The following NGDN variants were observed in gnomAD, a reference collection of about 807,000 sequenced individuals.
NGDN encodes neuroguidin.
A neutral mutation model predicts 45.2 loss-of-function variants in NGDN; 41 were observed. That is an observed-to-expected ratio of 0.91 (90% CI 0.71 to 1.18). The LOEUF is 1.18. Ranked by LOEUF, NGDN falls within the 50% of genes most tolerant of loss-of-function variation. NGDN has a pLI of 0.00. For synonymous variants in NGDN, 137 were observed against 130.9 expected (o/e 1.05, Z -0.32); for missense variants, 402 against 399.9 (o/e 1.01, Z -0.05).
rs1566551534 is a variant in NGDN at position 23,476,159 on chromosome 14, A to C, written c.544+7A>C. 6.2e-7 allele frequency: 1 copy of C among 1,613,940 alleles called. No individual in the cohort carries two copies. The highest frequency in any genetic ancestry group is 8.5e-7 in the Non-Finnish European group (1 of 1,180,006). On this transcript the variant is annotated splice_region_variant and intron_variant, in intron 7 of 10. Transcript: ENST00000408901. ...TTGGTTCCAGTACATTATGGTATAA[A>C]CTTTGGCTGCTGCCTCCTCAGCATG...
intron 3 of NGDN, 154 bp downstream of exon 3, chr14:23,471,131 C>A: frequency 2.1e-6 from 1 of 474,010 alleles, no homozygotes; most frequent in Non-Finnish European, 3.7e-6. Context: ...GAAGACAAAG[C>A]AAAGCAATAG....
intron 3 of NGDN, among the ~76,000 whole-genome samples, chr14:23,473,373 A>T (rs1893828231): frequency 6.6e-6 from 1 of 152,224 alleles, no homozygotes; most frequent in Admixed American, 6.5e-5. Context: ...TTAGATCCCT[A>T]TATATTTGTT....
Position 23,476,247 on chromosome 14 carries a change from G to A in NGDN, c.553G>A (p.Glu185Lys). Residue 185 changes from glutamate (E) to lysine (K), a missense_variant, in exon 8 of 11, where the codon GAA (glutamate) becomes AAA (lysine). Physicochemically the swap from Glu to Lys is moderately conservative, Grantham distance 56. Transcript: ENST00000408901. ...TTATTTTCATCATGTAGATGAAACAGAAGCTGAGCGGGAGAAGAAGCGTCT... is the reference window on the plus strand; with the variant it reads ...TTATTTTCATCATGTAGATGAAACAAAAGCTGAGCGGGAGAAGAAGCGTCT... ...RLVPVHYDET[E>K]AEREKKRLER... is the part of the protein sequence containing the mutation. 6.2e-7 allele frequency: 1 copy of A among 1,614,106 alleles called. No homozygotes were observed. The highest frequency in any genetic ancestry group is 8.5e-7 in the Non-Finnish European group (1 of 1,179,976).
rs575041977 is a variant in NGDN at position 23,469,813 on chromosome 14, G to C, written c.12+86G>C. The C allele has an allele frequency of 2.4e-5, 38 of 1,552,306 alleles. 1 individual carries two copies. The Middle Eastern group carries it at 5.1e-4, about 21-fold the overall frequency. On this transcript the variant is annotated intron_variant, in intron 1 of 10. Transcript: ENST00000408901. ...GGCTGGAGGCAAACTGTTGGTACCA[G>C]GGAAGGGTGGTGATGAAAGTTGCTT...
Position 23,470,942 on chromosome 14 carries a change from C to T in NGDN, c.109C>T (p.Gln37Ter), listed in dbSNP as rs759484641. ...AVTAQVKSLTQKVQAGAYPTE... is the reference protein window; with the variant it reads ...AVTAQVKSLT Reference sequence around the variant, plus strand: ...AACTGCACAAGTGAAATCACTGACACAAAAAGTTCAAGCTGGTGCCTATCC... The same window carrying T: ...AACTGCACAAGTGAAATCACTGACATAAAAAGTTCAAGCTGGTGCCTATCC... The change falls in exon 3 of 11, where the codon CAA becomes TAA. Residue 37 changes from glutamine (Q) to a stop codon, truncating the protein, a stop_gained. Transcript: ENST00000408901. LOFTEE classifies it high-confidence loss of function. The T allele has an allele frequency of 3.9e-6, 6 of 1,553,128 alleles. No individual in the cohort carries two copies. Among genetic ancestry groups the T allele is most frequent in the Non-Finnish European group, 4.3e-6 (5 of 1,155,282 alleles).
intron 2 of NGDN, chr14:23,470,343 C>T (rs1256482159): frequency 2.0e-6 from 1 of 489,252 alleles, no homozygotes; most frequent in Non-Finnish European, 3.7e-6. Context: ...CTAAGGAAAC[C>T]AGTGCTTGGA....
At chr14:23,470,224 T>A in intron 2 of NGDN, 123 bp downstream of exon 2, 1 of 786,214 alleles carries the variant, frequency 1.3e-6, no homozygotes, top group Non-Finnish European at 2.1e-6. Flanking sequence ...TAAAATGATG[T>A]AATCAAAACC....
intron 1 of NGDN, 84 bp downstream of exon 1, chr14:23,469,811 C>T: frequency 6.4e-7 from 1 of 1,555,636 alleles, no homozygotes; most frequent in East Asian, 2.2e-5. Flanking sequence ...CTGTTGGTAC[C>T]AGGGAAGGGT....
rs760022085 is a variant in NGDN, at chr14:23,477,332, A to G, written c.846A>G (p.Thr282=). The part of the protein sequence containing the change: ...LTHFSDISAL[T]GGTVHLDEDQ... The stretch of plus-strand genomic sequence containing the variant: ...ACTTCAGTGACATCAGTGCTTTGAC[A>G]GGGGGAACTGTTCATCTTGATGAGG... The change falls in exon 9 of 11, where the codon ACA becomes ACG. Residue 282 remains threonine, a synonymous_variant. Transcript: ENST00000408901. 10 of 1,614,134 alleles carry G rather than the reference A, an allele frequency of 6.2e-6. No individual in the cohort carries two copies. The East Asian group carries it at 1.8e-4, about 29-fold the overall frequency.
chr14:23,475,715 ATTT>A lies in NGDN; in HGVS notation c.368-10_368-8del. On this transcript the variant is annotated splice_region_variant and splice_polypyrimidine_tract_variant and intron_variant, in intron 5 of 10. Coordinates refer to ENST00000408901, the MANE Select transcript of NGDN (RefSeq NM_001042635.2). ...CAAATTTTGTAAAATTCATTGGGTT[ATTT>A]ATTTCAGGTGAGAATGACCCACTTC... 6.2e-7 allele frequency: 1 copy of A among 1,613,966 alleles called. No homozygotes were observed. Among genetic ancestry groups the A allele is most frequent in the Non-Finnish European group, 8.5e-7 (1 of 1,179,952 alleles).
intron 7 of NGDN, 38 bp from the exon 8 acceptor site, chr14:23,476,201 T>C: frequency 6.2e-7 from 1 of 1,613,972 alleles, no homozygotes; most frequent in Non-Finnish European, 8.5e-7. Flanking sequence ...TTCTCTTTTC[T>C]CTGTTCTTGG....
At chr14:23,473,653 C>A (rs1401144670) in intron 3 of NGDN, among the ~76,000 whole-genome samples, 1 of 151,898 alleles carries the variant, frequency 6.6e-6, no homozygotes, top group Non-Finnish European at 1.5e-5. Context: ...GGCGAAACCC[C>A]GTCTCTTAAA....
chr14:23,475,660 C>G lies in NGDN; in HGVS notation c.367+18C>G. The G allele has an allele frequency of 1.2e-6, 2 of 1,613,614 alleles. No homozygotes were observed. Among genetic ancestry groups the G allele is most frequent in the South Asian group, 2.2e-5 (2 of 91,072 alleles). On this transcript the variant is annotated intron_variant, in intron 5 of 10. Transcript: ENST00000408901. ...CAGCCTTAGTAAGTGAGGAGACCAT[C>G]ATGAAGTTGTGGGGACCATCAGAAA...
chr14:23,469,895 T>G, intron 1 of NGDN, 147 bp from the exon 2 acceptor site: 1 of 1,252,296 alleles, frequency 8.0e-7, no homozygotes, highest in Non-Finnish European at 1.1e-6. Context: ...AGGGGCTGGC[T>G]TTAAGGCGAG....
rs10149626 is a variant in NGDN at position 23,470,072 on chromosome 14, G to C, written c.43G>C (p.Val15Leu). 4.3e-6 allele frequency: 7 copies of C among 1,614,048 alleles called. 1 individual carries two copies. In the South Asian group the frequency reaches 6.6e-5, roughly 15 times the overall value. Residue 15 changes from valine to leucine, a missense_variant, in exon 2 of 11, where the codon GTG (valine) becomes CTG (leucine). Val to Leu is a conservative substitution (Grantham distance 32). Coordinates refer to ENST00000408901, the MANE Select transcript of NGDN (RefSeq NM_001042635.2). ...GCTGGAGTCCGACCTGCCAAGTGCCGTGACACTTCTGAAAAATCTCCAGGA... is the reference window on the plus strand; with the variant it reads ...GCTGGAGTCCGACCTGCCAAGTGCCCTGACACTTCTGAAAAATCTCCAGGA... ...GVLESDLPSA[V>L]TLLKNLQEQV...
At chr14:23,475,889 T>C in intron 6 of NGDN, 111 bp downstream of exon 6, 1 of 1,455,264 alleles carries the variant, frequency 6.9e-7, no homozygotes, top group Non-Finnish European at 9.4e-7. Context: ...TTTTCCAACT[T>C]GTGTGTTAGA....
intron 3 of NGDN, among the ~76,000 whole-genome samples, chr14:23,472,182 TAAA>T (rs78085081): frequency 4.3e-4 from 35 of 82,100 alleles, no homozygotes; most frequent in African/African-American, 1.4e-3. Context: ...GAGACTGTCT[TAAA>T]AAAAAAAAAA....
chr14:23,473,987 G>A (rs1240293139), intron 3 of NGDN, among the ~76,000 whole-genome samples: 1 of 146,038 alleles, frequency 6.8e-6, no homozygotes, highest in Non-Finnish European at 1.5e-5. Context: ...GCAGTGAGCC[G>A]AGACAGTGCC....
At chr14:23,473,582 T>C (rs1250617577) in intron 3 of NGDN, among the ~76,000 whole-genome samples, 1 of 151,878 alleles carries the variant, frequency 6.6e-6, no homozygotes, top group Non-Finnish European at 1.5e-5. Flanking sequence ...ATCCCAGTGC[T>C]TTGGGAGGCT....
Sources: allele counts gnomAD v4.1 joint callset (sites outside exome capture counted in the v4.1 genomes callset), GRCh38; gene constraint gnomAD v4.1.1; transcripts MANE v1.5; gene names NCBI Gene and HGNC (gene_info 2026-07-23, HGNC 2026-07-21).